Variants in ABLIM2 observed in about 807,000 individuals in gnomAD.
ABLIM2 encodes the protein actin-binding LIM protein 2.
Under a neutral mutation model 97.7 loss-of-function variants are expected in ABLIM2, and 53 were observed. The ratio of observed to expected loss-of-function variants is 0.54; its 90% CI spans 0.44 to 0.68. The LOEUF (loss-of-function observed/expected upper bound fraction) is 0.68. Ranked by LOEUF, ABLIM2 falls within the 30% of genes least tolerant of loss-of-function variation. The pLI, the probability that ABLIM2 is intolerant of heterozygous loss-of-function variation, is 0.00. For synonymous variants in ABLIM2, 361 were observed against 345.8 expected (o/e 1.04, Z -0.49); for missense variants, 835 against 867.2 (o/e 0.96, Z 0.47).
intron 20 of ABLIM2, among the ~76,000 whole-genome samples, chr4:7,978,530 C>T (rs566062924): frequency 3.9e-5 from 6 of 152,338 alleles, no homozygotes; most frequent in Non-Finnish European, 7.3e-5. Context: ...GGCCCCTGGA[C>T]GCTGCTGCTG....
chr4:7,988,315 G>T (rs1484345185), intron 17 of ABLIM2, among the ~76,000 whole-genome samples: 2 of 152,198 alleles, frequency 1.3e-5, no homozygotes, highest in East Asian at 1.9e-4. Flanking sequence ...GAACCACCAC[G>T]CCCGGCCTGT....
intron 14 of ABLIM2, among the ~76,000 whole-genome samples, chr4:8,010,974 G>C (rs1386440092): frequency 6.6e-6 from 1 of 152,266 alleles, no homozygotes; most frequent in African/African-American, 2.4e-5. Flanking sequence ...CTGGGGCTGA[G>C]TTGGCTGGCA....
intron 7 of ABLIM2, among the ~76,000 whole-genome samples, chr4:8,057,368 G>A (rs1300737768): frequency 1.3e-5 from 2 of 152,182 alleles, no homozygotes; most frequent in Non-Finnish European, 2.9e-5. Context: ...TTACAGGCAT[G>A]AGCCACTGCA....
At chr4:8,129,615 C>A (rs1213760935) in intron 1 of ABLIM2, among the ~76,000 whole-genome samples, 1 of 152,220 alleles carries the variant, frequency 6.6e-6, no homozygotes, top group Admixed American at 6.5e-5. Flanking sequence ...CCAAAGCCCA[C>A]CACACTGTGC....
At chr4:8,031,599 T>C (rs4696731) in intron 10 of ABLIM2, among the ~76,000 whole-genome samples, 83,865 of 152,076 alleles carry the variant, frequency 0.55, 24,010 homozygotes, top group African/African-American at 0.72. Context: ...GAAATCCTCC[T>C]GCACCTCATA....
In ABLIM2 at chr4:7,965,624, T is replaced by C. The variant is rs546115587; in HGVS notation, c.*1366A>G. The C allele has an allele frequency of 2.6e-5, 4 of 152,262 alleles. No individual in the cohort carries two copies. The highest frequency in any genetic ancestry group is 9.6e-5 in the African/African-American group (4 of 41,512). The allele number at this position is 152,262 out of a possible 1,614,324, so 9.4% of individuals were successfully genotyped here. A position where few individuals can be genotyped will look rare whatever the true frequency, so the allele number is the denominator to read the frequency against. On this transcript the variant is annotated 3_prime_UTR_variant, in exon 21 of 21. Coordinates refer to ENST00000447017, the MANE Select transcript of ABLIM2 (RefSeq NM_001130083.2). The stretch of plus-strand genomic sequence containing the variant: ...CGGACGGGGAAACAGACTTTGGTGT[T>C]TCATCCACCTCTCAGCGCGCTTATC...
In ABLIM2 at chr4:8,112,379, T is replaced by C. The variant is rs1027962796; in HGVS notation, c.11-5742A>G. On this transcript the variant is annotated intron_variant, in intron 1 of 20. Coordinates refer to ENST00000447017, the MANE Select transcript of ABLIM2 (RefSeq NM_001130083.2). The surrounding 1 kb of genome is among the most constrained non-coding windows in gnomAD (Gnocchi z 4.2). Reference sequence around the variant, plus strand: ...AAGCCTCAGTTTTCACATCTGTAAATCAGGGCTTGATCTTAGGAGGATGTT... The same window carrying C: ...AAGCCTCAGTTTTCACATCTGTAAACCAGGGCTTGATCTTAGGAGGATGTT... Among the ~76,000 whole-genome samples the C allele has an allele frequency of 1.3e-5, 2 of 152,192 alleles. No individual in the cohort carries two copies. The highest frequency in any genetic ancestry group is 4.8e-5 in the African/African-American group (2 of 41,456).
chr4:8,074,384 C>T (rs985351411), intron 6 of ABLIM2, among the ~76,000 whole-genome samples: 6 of 152,042 alleles, frequency 3.9e-5, no homozygotes, highest in Admixed American at 1.3e-4. Context: ...CTCAAGAGGT[C>T]GAGGCTACAG....
intron 2 of ABLIM2, among the ~76,000 whole-genome samples, chr4:8,101,711 C>G (rs766348320): frequency 6.6e-6 from 1 of 152,162 alleles, no homozygotes; most frequent in Non-Finnish European, 1.5e-5. Flanking sequence ...CCCGCTCTCC[C>G]GAGGGCACAC....
At chr4:8,094,137 C>T (rs1830220210) in intron 3 of ABLIM2, among the ~76,000 whole-genome samples, 1 of 152,152 alleles carries the variant, frequency 6.6e-6, no homozygotes, top group Non-Finnish European at 1.5e-5. Context: ...TCCACTTCGG[C>T]CATTGTATTT....
chr4:8,139,251 G>A (rs573918373), intron 1 of ABLIM2, among the ~76,000 whole-genome samples: 11 of 150,130 alleles, frequency 7.3e-5, no homozygotes, highest in African/African-American at 2.7e-4. Context: ...GGGAGGGGAG[G>A]GGAATGGAAG....
At position 8,032,702 on chromosome 4, in the gene ABLIM2, T is replaced by C. The variant is rs1181884408; in HGVS notation, c.1048-2926A>G. On this transcript the variant is annotated intron_variant, in intron 10 of 20. Transcript: ENST00000447017. This position sits in a 1 kb window ranked among gnomAD's most constrained non-coding sequence, Gnocchi z 4.3. ...GGGACTGTGGACACAACACACAAAG[T>C]GGCCATTAGTGCTGGCGCCAGGCAG... 2 of 1,612,050 alleles carry C rather than the reference T, an allele frequency of 1.2e-6. No individual in the cohort carries two copies. The highest frequency in any genetic ancestry group is 1.7e-6 in the Non-Finnish European group (2 of 1,179,750).
rs2150217441 is a variant in ABLIM2, at chr4:8,001,937, CT to C, written c.1618+6121del. 6.6e-6 allele frequency among the ~76,000 whole-genome samples: 1 copy of C among 152,352 alleles called. No individual in the cohort carries two copies. Among genetic ancestry groups the C allele is most frequent in the Non-Finnish European group, 1.5e-5 (1 of 68,036 alleles). ...ACACACATGTGCGTGCTCTCTCTCT[CT>C]TTTTCTTGCTCTCTCTCCTCCCAGC... is the stretch of plus-strand genomic sequence containing the variant. On this transcript the variant is annotated intron_variant, in intron 16 of 20. Coordinates refer to ENST00000447017, the MANE Select transcript of ABLIM2 (RefSeq NM_001130083.2). The surrounding 1 kb of genome is among the most constrained non-coding windows in gnomAD (Gnocchi z 4.2).
intron 20 of ABLIM2, among the ~76,000 whole-genome samples, chr4:7,969,075 T>G (rs1007819555): frequency 1.1e-4 from 17 of 152,082 alleles, no homozygotes; most frequent in Non-Finnish European, 1.5e-5. Context: ...GAGGTTGCAG[T>G]GAGCTGAGAT....
At chr4:8,081,031 C>T (rs368842640) in intron 4 of ABLIM2, among the ~76,000 whole-genome samples, 68 of 152,324 alleles carry the variant, frequency 4.5e-4, no homozygotes, top group South Asian at 1.5e-3. Context: ...TGACTGCATG[C>T]AGCCTGGGCT....
chr4:8,097,868 C>T (rs1377965409), intron 2 of ABLIM2, among the ~76,000 whole-genome samples: 2 of 152,064 alleles, frequency 1.3e-5, no homozygotes, highest in South Asian at 2.1e-4. Flanking sequence ...GTGAACAAGG[C>T]CAGACCTGCA....
In ABLIM2 at chr4:7,993,042, G is replaced by A; in HGVS notation, c.1619-115C>T. On this transcript the variant is annotated intron_variant, in intron 16 of 20. Transcript: ENST00000447017. The stretch of plus-strand genomic sequence containing the variant: ...GCAAGGCTGGGCAAGCAACACAGGG[G>A]AGGCCCCCTGAGGACCATGACCTGC... The A allele has an allele frequency of 1.1e-5, 11 of 1,009,032 alleles. No homozygotes were observed. The South Asian group carries it at 1.5e-4, about 14-fold the overall frequency. 62.5% of individuals were successfully genotyped at this position (1,009,032 alleles called of 1,614,324 possible). A position where few individuals can be genotyped will look rare whatever the true frequency, so the allele number is the denominator to read the frequency against.
chr4:7,991,461 G>A (rs185917912), intron 17 of ABLIM2, among the ~76,000 whole-genome samples: 11 of 152,336 alleles, frequency 7.2e-5, no homozygotes, highest in Admixed American at 7.2e-4. Flanking sequence ...TGTTCCAGGT[G>A]AGAAGGGAAC....
At chr4:8,110,065 T>C (rs1431957082) in intron 1 of ABLIM2, among the ~76,000 whole-genome samples, 1 of 152,246 alleles carries the variant, frequency 6.6e-6, no homozygotes, top group Non-Finnish European at 1.5e-5. Context: ...AATTGTGGAC[T>C]GAACTTCAAA....
Sources: gnomAD v4.1 joint callset for allele counts (sites outside exome capture counted in the v4.1 genomes callset) on GRCh38, gnomAD v4.1.1 for gene constraint, Gnocchi (gnomAD v3.1) non-coding constraint, MANE v1.5 for transcripts, NCBI Gene and HGNC (gene_info 2026-07-23, HGNC 2026-07-21) for gene names.